The following SEMA6D variants were observed in gnomAD, a reference collection of about 807,000 sequenced individuals.
The protein encoded by SEMA6D is semaphorin 6D.
Under a neutral mutation model 106.6 loss-of-function variants are expected in SEMA6D, and 35 were observed. The ratio of observed to expected loss-of-function variants is 0.33; its 90% CI spans 0.25 to 0.44. SEMA6D has a LOEUF of 0.44. Ranked by LOEUF, SEMA6D falls within the 20% of genes least tolerant of loss-of-function variation. The pLI is 1.00. For synonymous variants in SEMA6D, 499 were observed against 487.7 expected (o/e 1.02, Z -0.31); for missense variants, 1,185 against 1,345.9 (o/e 0.88, Z 1.87).
intron 1 of SEMA6D, among the ~76,000 whole-genome samples, chr15:47,231,468 A>G (rs374897500): frequency 2.0e-5 from 3 of 152,016 alleles, no homozygotes; most frequent in East Asian, 3.9e-4. Flanking sequence ...CATTTGATGT[A>G]TGCATTACCT....
At chr15:47,309,591 T>C (rs1336217972) in intron 1 of SEMA6D, among the ~76,000 whole-genome samples, 1 of 152,184 alleles carries the variant, frequency 6.6e-6, no homozygotes, top group African/African-American at 2.4e-5. Flanking sequence ...GTATTTAGGA[T>C]GTTTTACTAT....
chr15:47,478,899 AAG>A (rs754262346), intron 3 of SEMA6D, among the ~76,000 whole-genome samples: 1 of 152,168 alleles, frequency 6.6e-6, no homozygotes, highest in African/African-American at 2.4e-5. Context: ...GGAGGCAGGC[AAG>A]AGAGAGTGTG....
At chr15:47,687,233 C>T (rs1467565162) in intron 4 of SEMA6D, among the ~76,000 whole-genome samples, 1 of 152,088 alleles carries the variant, frequency 6.6e-6, no homozygotes, top group East Asian at 1.9e-4. Flanking sequence ...TGTGATATGC[C>T]TGCCACTGTA....
At chr15:47,638,746 C>G (rs2077435726) in intron 4 of SEMA6D, among the ~76,000 whole-genome samples, 2 of 152,206 alleles carry the variant, frequency 1.3e-5, no homozygotes, top group East Asian at 1.9e-4. Context: ...CCTCTCTGCT[C>G]TCCCTCCGCA....
intron 1 of SEMA6D, among the ~76,000 whole-genome samples, chr15:47,269,879 A>G (rs1359697081): frequency 2.6e-5 from 4 of 151,938 alleles, no homozygotes; most frequent in Admixed American, 2.0e-4. Flanking sequence ...ATTAGCTCAT[A>G]TATACATTTT....
intron 4 of SEMA6D, among the ~76,000 whole-genome samples, chr15:47,670,171 C>G (rs944328303): frequency 2.0e-5 from 3 of 152,300 alleles, no homozygotes; most frequent in East Asian, 3.9e-4. Flanking sequence ...ATTAGTCAGT[C>G]CCTTCTCTAT....
intron 2 of SEMA6D, among the ~76,000 whole-genome samples, chr15:47,450,473 C>T (rs1183789951): frequency 6.6e-6 from 1 of 152,050 alleles, no homozygotes; most frequent in Non-Finnish European, 1.5e-5. Flanking sequence ...GTCCCTATGG[C>T]AGGGGTGTCT....
intron 1 of SEMA6D, among the ~76,000 whole-genome samples, chr15:47,282,193 C>G (rs2035156643): frequency 6.6e-6 from 1 of 152,130 alleles, no homozygotes; most frequent in Non-Finnish European, 1.5e-5. Flanking sequence ...TTGTTAGGAT[C>G]ATTATCAACT....
intron 3 of SEMA6D, among the ~76,000 whole-genome samples, chr15:47,509,077 CTT>C (rs2044142555): frequency 6.6e-6 from 1 of 152,084 alleles, no homozygotes; most frequent in Admixed American, 6.5e-5. Flanking sequence ...CTGGACACCT[CTT>C]GAGCTGAGAG....
intron 4 of SEMA6D, among the ~76,000 whole-genome samples, chr15:47,700,981 T>C (rs1311602463): frequency 6.6e-6 from 1 of 152,142 alleles, no homozygotes; most frequent in Non-Finnish European, 1.5e-5. Flanking sequence ...AATGTAAAAC[T>C]ATAAAATTTC....
At chr15:47,590,072 T>C (rs78148067) in intron 3 of SEMA6D, among the ~76,000 whole-genome samples, 14,362 of 152,120 alleles carry the variant, frequency 0.094, 932 homozygotes, top group African/African-American at 0.19. Context: ...TCTCTGTACA[T>C]ATGCACACGT....
intron 3 of SEMA6D, among the ~76,000 whole-genome samples, chr15:47,488,262 C>T (rs993488516): frequency 1.3e-5 from 2 of 152,036 alleles, no homozygotes; most frequent in Non-Finnish European, 2.9e-5. Flanking sequence ...ACTTGCCTGC[C>T]CTTCTCCCAG....
At chr15:47,680,602 A>C (rs572986181) in intron 4 of SEMA6D, among the ~76,000 whole-genome samples, 26 of 152,352 alleles carry the variant, frequency 1.7e-4, no homozygotes, top group African/African-American at 6.3e-4. Flanking sequence ...CATTATTGAC[A>C]ACATAGAGCT....
chr15:47,730,423 C>T (rs1596828255), intron 1 of SEMA6D: 2 of 1,423,604 alleles, frequency 1.4e-6, no homozygotes, highest in East Asian at 4.6e-5. Context: ...TTTTACGACA[C>T]AGGGCAGGCA....
chr15:47,567,412 G>A (rs1266930898), intron 3 of SEMA6D, among the ~76,000 whole-genome samples: 6 of 152,136 alleles, frequency 3.9e-5, no homozygotes, highest in Non-Finnish European at 8.8e-5. Flanking sequence ...AAAGGACATA[G>A]TACATGGATG....
At chr15:47,770,118 T>C (rs1209228412) in intron 18 of SEMA6D, among the ~76,000 whole-genome samples, 2 of 152,196 alleles carry the variant, frequency 1.3e-5, no homozygotes, top group Non-Finnish European at 2.9e-5. Context: ...AATCCTGAAT[T>C]AAGAGAAAAT....
At chr15:47,570,832 A>G (rs1046314664) in intron 3 of SEMA6D, among the ~76,000 whole-genome samples, 1 of 152,200 alleles carries the variant, frequency 6.6e-6, no homozygotes, top group African/African-American at 2.4e-5. Flanking sequence ...GGTCCAACCT[A>G]ATGCATTAGT....
At chr15:47,220,062 C>A (rs746601793) in intron 1 of SEMA6D, among the ~76,000 whole-genome samples, 8 of 152,130 alleles carry the variant, frequency 5.3e-5, no homozygotes, top group Non-Finnish European at 7.4e-5. Flanking sequence ...CCTCTTGATA[C>A]CTAGGCTCAG....
At chr15:47,270,471 A>G (rs922507695) in intron 1 of SEMA6D, among the ~76,000 whole-genome samples, 2 of 150,946 alleles carry the variant, frequency 1.3e-5, no homozygotes, top group African/African-American at 2.4e-5. Context: ...TTTTTTTCCT[A>G]TGGCAGTGGC....
Sources: gnomAD v4.1 joint callset for allele counts (sites outside exome capture counted in the v4.1 genomes callset) on GRCh38, gnomAD v4.1.1 for gene constraint, MANE v1.5 for transcripts, NCBI Gene and HGNC (gene_info 2026-07-23, HGNC 2026-07-21) for gene names.